RPTOR: variants seen among roughly 807,000 people sequenced by gnomAD.
RPTOR encodes regulatory associated protein of MTOR complex 1.
In RPTOR, 21 loss-of-function variants were observed where a neutral mutation model predicts 169.9. The ratio of observed to expected loss-of-function variants is 0.12; its 90% CI spans 0.09 to 0.18. RPTOR has a LOEUF of 0.18. Among genes scored for constraint, RPTOR ranks in the 10% least tolerant of loss-of-function variants. The pLI is 1.00. For synonymous variants in RPTOR, 732 were observed against 753.2 expected, an observed-to-expected ratio of 0.97 and a Z score of 0.46; for missense variants, 1,133 against 1,855.9, an observed-to-expected ratio of 0.61 and a Z score of 7.16.
intron 9 of RPTOR, among the ~76,000 whole-genome samples, chr17:80,833,341 G>A (rs2067528023): frequency 6.6e-6 from 1 of 152,200 alleles, no homozygotes; most frequent in African/African-American, 2.4e-5. Flanking sequence ...ATGCAGATGA[G>A]CTGGTCACAG....
intron 7 of RPTOR, among the ~76,000 whole-genome samples, chr17:80,798,416 A>G (rs2143519999): frequency 6.6e-6 from 1 of 152,274 alleles, no homozygotes; most frequent in South Asian, 2.1e-4. Context: ...GAGTTTTTGT[A>G]TGTTTTTTTC....
Position 80,707,222 on chromosome 17 carries a change from G to C in RPTOR, c.349-619G>C, listed in dbSNP as rs192912158. On this transcript the variant is annotated intron_variant, in intron 3 of 33. Transcript: ENST00000306801. The surrounding 1 kb of genome is among the most constrained non-coding windows in gnomAD (Gnocchi z 5.0). ...AGCAAATTCTCTCTTCCATGCTCCA[G>C]ATGTTTTCAGAAGGACCGCGTACTT... 9.2e-5 allele frequency among the ~76,000 whole-genome samples: 14 copies of C among 152,290 alleles called. No homozygotes were observed. Among genetic ancestry groups the C allele is most frequent in the Admixed American group, 8.5e-4 (13 of 15,300 alleles).
chr17:80,564,185 C>T (rs1429870734), intron 1 of RPTOR, among the ~76,000 whole-genome samples: 3 of 152,058 alleles, frequency 2.0e-5, no homozygotes, highest in East Asian at 1.9e-4. Context: ...GCCTCAGCCT[C>T]CCGAGTAGCT....
chr17:80,956,784 G>A (rs1314249214), intron 28 of RPTOR, among the ~76,000 whole-genome samples: 6 of 152,072 alleles, frequency 3.9e-5, no homozygotes, highest in African/African-American at 7.2e-5. Flanking sequence ...CCGGATGTTG[G>A]GCATCTTAGA....
chr17:80,811,059 T>C (rs1170221798), intron 7 of RPTOR, among the ~76,000 whole-genome samples: 1 of 152,240 alleles, frequency 6.6e-6, no homozygotes. Flanking sequence ...CCGATGTTTA[T>C]GTCTTTAATT....
Position 80,730,307 on chromosome 17 carries a change from T to C in RPTOR, c.508-253T>C, listed in dbSNP as rs1415804745. ...TTTTAGTAGAGACTGGGTTTTACCA[T>C]GTTGGCCAGGCTGGTCTTGAACTCC... is the stretch of plus-strand genomic sequence containing the variant. On this transcript the variant is annotated intron_variant, in intron 4 of 33. Transcript: ENST00000306801. The surrounding 1 kb of genome is among the most constrained non-coding windows in gnomAD (Gnocchi z 4.2). Among the ~76,000 whole-genome samples the C allele has an allele frequency of 1.3e-5, 2 of 152,116 alleles. No homozygotes were observed. Among genetic ancestry groups the C allele is most frequent in the Non-Finnish European group, 2.9e-5 (2 of 68,018 alleles).
In RPTOR at chr17:80,845,518, G is replaced by A. The variant is rs1215204203; in HGVS notation, c.1213-955G>A. 6.6e-6 allele frequency among the ~76,000 whole-genome samples: 1 copy of A among 150,458 alleles called. No homozygotes were observed. Among genetic ancestry groups the A allele is most frequent in the Non-Finnish European group, 1.5e-5 (1 of 67,604 alleles). On this transcript the variant is annotated intron_variant, in intron 10 of 33. Transcript: ENST00000306801. The surrounding 1 kb of genome is among the most constrained non-coding windows in gnomAD (Gnocchi z 5.4). ...TGCATCTGGGCCCCCTTGCTTTGCCGCCTGCCTGGTTCCCCTGGGGAGCAG... is the reference window on the plus strand; with the variant it reads ...TGCATCTGGGCCCCCTTGCTTTGCCACCTGCCTGGTTCCCCTGGGGAGCAG...
intron 10 of RPTOR, among the ~76,000 whole-genome samples, chr17:80,839,588 T>G (rs1318385240): frequency 6.6e-6 from 1 of 152,028 alleles, no homozygotes; most frequent in Non-Finnish European, 1.5e-5. Context: ...AATGACAGGG[T>G]CTCCTGCAGA....
rs1227966567 is a variant in RPTOR, at chr17:80,962,595, C to G, written c.3809+18C>G. On this transcript the variant is annotated intron_variant, in intron 32 of 33. Transcript: ENST00000306801. ...ATCGCATGGTAGGCGCCACCCACCTCCCTGGCCTGCACCGCTCACCCGCCT... is the reference window on the plus strand; with the variant it reads ...ATCGCATGGTAGGCGCCACCCACCTGCCTGGCCTGCACCGCTCACCCGCCT... 2.7e-5 allele frequency: 43 copies of G among 1,598,546 alleles called. No homozygotes were observed. The highest frequency in any genetic ancestry group is 3.6e-5 in the Non-Finnish European group (42 of 1,167,790).
At chr17:80,895,335 G>A (rs2068385131) in intron 20 of RPTOR, among the ~76,000 whole-genome samples, 1 of 152,026 alleles carries the variant, frequency 6.6e-6, no homozygotes, top group East Asian at 1.9e-4. Context: ...CGCCCCACCT[G>A]GAATCAGGCT....
At chr17:80,871,796 T>C (rs1226175164) in intron 13 of RPTOR, among the ~76,000 whole-genome samples, 1 of 152,224 alleles carries the variant, frequency 6.6e-6, no homozygotes, top group Non-Finnish European at 1.5e-5. Context: ...ATTTCTGGGA[T>C]TTTTTAGTAT....
rs113347109 is a variant in RPTOR, at chr17:80,690,052, C to T, written c.349-17789C>T. Among the ~76,000 whole-genome samples the T allele has an allele frequency of 2.4e-3, 366 of 152,198 alleles. 2 individuals carry two copies. Among genetic ancestry groups the T allele is most frequent in the African/African-American group, 8.3e-3 (345 of 41,518 alleles). ...TTTTAATCATTGAAACATTTTCAAACGTGTTTGCTCATTTGCTTCTTTATT... is the reference window on the plus strand; with the variant it reads ...TTTTAATCATTGAAACATTTTCAAATGTGTTTGCTCATTTGCTTCTTTATT... On this transcript the variant is annotated intron_variant, in intron 3 of 33. Coordinates refer to ENST00000306801, the MANE Select transcript of RPTOR (RefSeq NM_020761.3).
chr17:80,681,666 ACGTCTC>A, intron 3 of RPTOR, among the ~76,000 whole-genome samples: 1 of 78,540 alleles, frequency 1.3e-5, no homozygotes, highest in African/African-American at 8.6e-5. Context: ...CATGAGGTGT[ACGTCTC>A]TTACAGCTTC....
chr17:80,681,050 A>G (rs555242206), intron 3 of RPTOR, among the ~76,000 whole-genome samples: 3 of 152,086 alleles, frequency 2.0e-5, no homozygotes, highest in African/African-American at 4.8e-5. Flanking sequence ...CGGGGCTTCA[A>G]GGCATGCATG....
At chr17:80,656,921 G>C (rs753178908) in intron 3 of RPTOR, among the ~76,000 whole-genome samples, 16 of 152,232 alleles carry the variant, frequency 1.1e-4, no homozygotes, top group African/African-American at 1.4e-4. Context: ...AGCGGTGGGA[G>C]AGCAAGCAGG....
rs1482059325 is a variant in RPTOR at position 80,670,128 on chromosome 17, C to T, written c.348+26318C>T. Reference sequence around the variant, plus strand: ...GAGAAAGTGACTTGCTCAGTGAAATCGACTGCAGACCGGACTCCGGGTTTC... The same window carrying T: ...GAGAAAGTGACTTGCTCAGTGAAATTGACTGCAGACCGGACTCCGGGTTTC... On this transcript the variant is annotated intron_variant, in intron 3 of 33. Transcript: ENST00000306801. 4.6e-5 allele frequency among the ~76,000 whole-genome samples: 7 copies of T among 152,178 alleles called. No individual in the cohort carries two copies. In the East Asian group the frequency reaches 1.3e-3, roughly 29 times the overall value.
At position 80,740,337 on chromosome 17, in the gene RPTOR, T is replaced by C. The variant is rs529609049; in HGVS notation, c.654+9631T>C. Among the ~76,000 whole-genome samples the C allele has an allele frequency of 2.6e-5, 4 of 152,312 alleles. No individual in the cohort carries two copies. The East Asian group carries it at 7.7e-4, about 29-fold the overall frequency. The stretch of plus-strand genomic sequence containing the variant: ...TTTCACTGGAGACTATTGCCAAATA[T>C]TTAAAAAGAAGAAGCAGAACACCGG... On this transcript the variant is annotated intron_variant, in intron 5 of 33. Coordinates refer to ENST00000306801, the MANE Select transcript of RPTOR (RefSeq NM_020761.3).
At chr17:80,876,113 G>A (rs1332283612) in intron 13 of RPTOR, among the ~76,000 whole-genome samples, 2 of 133,778 alleles carry the variant, frequency 1.5e-5, no homozygotes, top group South Asian at 2.5e-4. Flanking sequence ...CTTCCACCGA[G>A]CCCGTGCTGC....
chr17:80,791,794 C>A (rs1278327036), intron 7 of RPTOR, among the ~76,000 whole-genome samples: 2 of 152,172 alleles, frequency 1.3e-5, no homozygotes, highest in Admixed American at 6.5e-5. Flanking sequence ...CAAGAACATA[C>A]CACTTCGCAT....
Sources: allele counts gnomAD v4.1 joint callset (sites outside exome capture counted in the v4.1 genomes callset), GRCh38; gene constraint gnomAD v4.1.1; non-coding constraint Gnocchi (gnomAD v3.1); transcripts MANE v1.5; gene names NCBI Gene and HGNC (gene_info 2026-07-23, HGNC 2026-07-21).